CPQ: variants seen among roughly 807,000 people sequenced by gnomAD.
CPQ encodes the protein carboxypeptidase Q, also known as Ser-Met dipeptidase.
In CPQ, 37 loss-of-function variants were observed where a neutral mutation model predicts 45.7. The ratio of observed to expected loss-of-function variants is 0.81; its 90% CI spans 0.62 to 1.07. The LOEUF (loss-of-function observed/expected upper bound fraction) is 1.07. CPQ is among the 50% of genes least tolerant of loss of function. The pLI is 0.00. For missense variants in CPQ, 537 were observed against 572.9 expected (o/e 0.94, Z 0.64); for synonymous variants, 186 against 205.8 (o/e 0.90, Z 0.82).
intron 4 of CPQ, among the ~76,000 whole-genome samples, chr8:96,885,608 AGT>A (rs1812293814): frequency 6.6e-6 from 1 of 152,176 alleles, no homozygotes; most frequent in African/African-American, 2.4e-5. Context: ...GCTTTAGAAA[AGT>A]GTATATGTGA....
At chr8:97,080,025 G>A (rs1256943441) in intron 7 of CPQ, among the ~76,000 whole-genome samples, 1 of 152,104 alleles carries the variant, frequency 6.6e-6, no homozygotes, top group Non-Finnish European at 1.5e-5. Context: ...CACTGGGCAG[G>A]CTCCGGCTAA....
chr8:96,731,630 C>T (rs547645085), intron 1 of CPQ, among the ~76,000 whole-genome samples: 1 of 152,122 alleles, frequency 6.6e-6, no homozygotes, highest in South Asian at 2.1e-4. Context: ...TTCAGATAAA[C>T]TGTTAATCAA....
chr8:97,120,179 G>A (rs890044160), intron 7 of CPQ, among the ~76,000 whole-genome samples: 1 of 152,060 alleles, frequency 6.6e-6, no homozygotes. Context: ...CTCCCTAAAG[G>A]AGCAGCTCTT....
At chr8:96,744,248 G>A (rs181376022) in intron 1 of CPQ, among the ~76,000 whole-genome samples, 7 of 152,244 alleles carry the variant, frequency 4.6e-5, no homozygotes, top group East Asian at 1.9e-4. Flanking sequence ...TCCAGATGCC[G>A]TCTGTCACCA....
intron 7 of CPQ, among the ~76,000 whole-genome samples, chr8:97,122,927 T>TAAAATAAAATA (rs1336501970): frequency 5.1e-5 from 2 of 38,852 alleles, no homozygotes; most frequent in African/African-American, 1.8e-4. Flanking sequence ...TAAAATAAAA[T>TAAAATAAAATA]AAATAAAATA....
chr8:96,992,823 G>A (rs1809118055), intron 5 of CPQ, among the ~76,000 whole-genome samples: 1 of 152,196 alleles, frequency 6.6e-6, no homozygotes, highest in Admixed American at 6.5e-5. Flanking sequence ...TGGTGCACCT[G>A]AAGTGCTTCC....
At chr8:96,908,156 GGAGAGAGAGAC>G (rs1451356422) in intron 4 of CPQ, among the ~76,000 whole-genome samples, 23 of 151,204 alleles carry the variant, frequency 1.5e-4, no homozygotes, top group Admixed American at 4.0e-4. Context: ...GTGTGTGTGA[GGAGAGAGAGAC>G]GAGAGAGAGA....
At chr8:96,777,207 G>A (rs943624144) in intron 1 of CPQ, among the ~76,000 whole-genome samples, 4 of 152,098 alleles carry the variant, frequency 2.6e-5, no homozygotes, top group Admixed American at 6.6e-5. Context: ...TTTACAATAT[G>A]TGGCCTATGG....
At chr8:97,064,088 A>G (rs765042770) in intron 6 of CPQ, among the ~76,000 whole-genome samples, 1 of 152,132 alleles carries the variant, frequency 6.6e-6, no homozygotes, top group Non-Finnish European at 1.5e-5. Context: ...GATTCTTCCT[A>G]TCATGTAGCT....
intron 1 of CPQ, among the ~76,000 whole-genome samples, chr8:96,682,790 G>A (rs1373638057): frequency 6.6e-6 from 1 of 152,026 alleles, no homozygotes; most frequent in Non-Finnish European, 1.5e-5. Context: ...TCATTTGCAT[G>A]GAATATATTT....
At chr8:96,691,156 G>T (rs1176198125) in intron 1 of CPQ, among the ~76,000 whole-genome samples, 11 of 152,294 alleles carry the variant, frequency 7.2e-5, no homozygotes. Flanking sequence ...CAGCAGGGAT[G>T]CTGTTCCTTC....
chr8:96,851,361 T>C (rs902122806), intron 3 of CPQ, among the ~76,000 whole-genome samples: 1 of 152,228 alleles, frequency 6.6e-6, no homozygotes, highest in Admixed American at 6.5e-5. Flanking sequence ...TTTGTGCTGC[T>C]ATAACAGAAT....
intron 1 of CPQ, among the ~76,000 whole-genome samples, chr8:96,733,733 A>C (rs897414230): frequency 2.6e-5 from 4 of 152,006 alleles, no homozygotes; most frequent in Admixed American, 1.3e-4. Context: ...TTTTTTCCTG[A>C]AAAAAAATCT....
chr8:96,868,580 A>G (rs1812024208), intron 3 of CPQ, among the ~76,000 whole-genome samples: 1 of 152,074 alleles, frequency 6.6e-6, no homozygotes, highest in African/African-American at 2.4e-5. Flanking sequence ...GGAAAATGTC[A>G]ATAGAAATTT....
intron 4 of CPQ, among the ~76,000 whole-genome samples, chr8:96,913,692 C>A (rs1016868600): frequency 6.6e-6 from 1 of 152,128 alleles, no homozygotes; most frequent in Non-Finnish European, 1.5e-5. Context: ...CTAAAGTTTT[C>A]GAAGAGTCAG....
At chr8:96,805,519 G>A (rs1811068553) in intron 2 of CPQ, among the ~76,000 whole-genome samples, 1 of 152,144 alleles carries the variant, frequency 6.6e-6, no homozygotes. Flanking sequence ...ATGAGATAAT[G>A]CATTTACCGC....
chr8:96,786,050 T>A (rs1264157413), intron 2 of CPQ, among the ~76,000 whole-genome samples: 1 of 152,192 alleles, frequency 6.6e-6, no homozygotes, highest in Admixed American at 6.5e-5. Flanking sequence ...CATACTATGA[T>A]GTTCATGCAT....
At chr8:97,018,390 T>G (rs996404964) in intron 5 of CPQ, among the ~76,000 whole-genome samples, 3 of 151,398 alleles carry the variant, frequency 2.0e-5, no homozygotes, top group African/African-American at 7.3e-5. Context: ...CAAGAAGAAA[T>G]CCCTGATCTA....
At position 97,079,227 on chromosome 8, in the gene CPQ, G is replaced by A. The variant is rs139991922; in HGVS notation, c.1255+13017G>A. Among the ~76,000 whole-genome samples, 560 of 152,222 alleles carry A rather than the reference G, an allele frequency of 3.7e-3. 1 individual carries two copies. The highest frequency in any genetic ancestry group is 0.012 in the African/African-American group (513 of 41,562). On this transcript the variant is annotated intron_variant, in intron 7 of 7. Transcript: ENST00000220763. ...GAGTAGGAATCATTATATGATTTAT[G>A]AATTACCTTGGAGTGTCATAGTTAG...
Sources: allele counts gnomAD v4.1 joint callset (sites outside exome capture counted in the v4.1 genomes callset), GRCh38; gene constraint gnomAD v4.1.1; transcripts MANE v1.5; gene names NCBI Gene and HGNC (gene_info 2026-07-23, HGNC 2026-07-21).